The following ACOT11 variants were observed in gnomAD, a reference collection of about 807,000 sequenced individuals.
The protein encoded by ACOT11 is acyl-coenzyme A thioesterase 11.
ACOT11 carries 69 observed loss-of-function variants against 77.5 expected under a neutral mutation model. The observed-to-expected ratio is 0.89, with a 90% CI of 0.73 to 1.09. ACOT11 has a LOEUF of 1.09. Among genes scored for constraint, ACOT11 ranks in the 50% least tolerant of loss-of-function variants. ACOT11 has a pLI of 0.00. For synonymous variants in ACOT11, 279 were observed against 313.0 expected (o/e 0.89, Z 1.15); for missense variants, 766 against 813.7 (o/e 0.94, Z 0.71).
intron 1 of ACOT11, among the ~76,000 whole-genome samples, chr1:54,567,250 T>A (rs1041708092): frequency 3.3e-5 from 5 of 151,210 alleles, no homozygotes; most frequent in African/African-American, 1.2e-4. Context: ...GCTTGGATCC[T>A]CCTTTCTTAT....
chr1:54,564,394 G>C (rs571502005), intron 1 of ACOT11, among the ~76,000 whole-genome samples: 4 of 152,336 alleles, frequency 2.6e-5, no homozygotes, highest in South Asian at 4.1e-4. Flanking sequence ...GGTTGCCTGC[G>C]GGGGGTGGGG....
Position 54,609,997 on chromosome 1 carries a change from A to ATC in ACOT11, c.*885_*886insTC. ...AGGATTTGGGTTATCATAAGGTGTT[A>ATC]AGAGTCCCTTGTTAAAGGGGCAGTG... On this transcript the variant is annotated 3_prime_UTR_variant, in exon 16 of 16. Coordinates refer to ENST00000343744, the MANE Select transcript of ACOT11 (RefSeq NM_147161.4). The ATC allele has an allele frequency of 6.5e-7, 1 of 1,544,632 alleles. No homozygotes were observed. Among genetic ancestry groups the ATC allele is most frequent in the Non-Finnish European group, 8.7e-7 (1 of 1,150,338 alleles).
chr1:54,591,694 G>A (rs1456664342), intron 3 of ACOT11, among the ~76,000 whole-genome samples: 1 of 152,200 alleles, frequency 6.6e-6, no homozygotes, highest in African/African-American at 2.4e-5. Context: ...AGGCTAGGTG[G>A]CTCCCCTGGG....
chr1:54,597,457 C>G (rs2304304), intron 7 of ACOT11, 42 bp downstream of exon 7: 66,145 of 1,554,006 alleles, frequency 0.043, 2,397 homozygotes, highest in Admixed American at 0.16. Flanking sequence ...CTCCTTTCTC[C>G]TCCTCCTCCC....
chr1:54,601,814 G>C (rs544286400), intron 9 of ACOT11, among the ~76,000 whole-genome samples: 1 of 152,366 alleles, frequency 6.6e-6, no homozygotes, highest in East Asian at 1.9e-4. Context: ...TCACAGGACT[G>C]TGGGGCGATA....
At chr1:54,623,241 G>C (rs1644248368) in intron 15 of ACOT11, 9 of 1,422,048 alleles carry the variant, frequency 6.3e-6, no homozygotes, top group Non-Finnish European at 8.9e-6. Flanking sequence ...GAGCGATGAG[G>C]GAAGCCACTC....
intron 1 of ACOT11, among the ~76,000 whole-genome samples, chr1:54,562,088 G>A (rs1484797815): frequency 1.6e-5 from 1 of 61,546 alleles, no homozygotes; most frequent in Non-Finnish European, 3.2e-5. Context: ...GCCGGGCGGG[G>A]GGCTGACCCC....
At chr1:54,556,037 T>A (rs1184328933) in intron 1 of ACOT11, among the ~76,000 whole-genome samples, 1 of 152,186 alleles carries the variant, frequency 6.6e-6, no homozygotes, top group African/African-American at 2.4e-5. Flanking sequence ...TGTGAGCCAC[T>A]GCACCTGGCC....
downstream of ACOT11, chr1:54,611,836 G>T (rs1329407398): frequency 2.7e-6 from 4 of 1,480,760 alleles, no homozygotes; most frequent in African/African-American, 1.4e-5. Context: ...TCAGCTGGGC[G>T]CAGGGTAGAG....
At chr1:54,614,956 A>G (rs1702015), downstream of ACOT11, 1,034,539 of 1,238,288 alleles carry the variant, frequency 0.84, 428,955 homozygotes, top group Non-Finnish European at 0.87. Context: ...GTGTGTGTGC[A>G]TGTGCGTGCA....
At chr1:54,558,523 G>T (rs181182485) in intron 1 of ACOT11, among the ~76,000 whole-genome samples, 2 of 152,312 alleles carry the variant, frequency 1.3e-5, no homozygotes, top group Admixed American at 6.5e-5. Flanking sequence ...GGTCAGGGGA[G>T]AGCTCTCTGA....
At chr1:54,616,668 C>T (rs565468829) in intron 15 of ACOT11, among the ~76,000 whole-genome samples, 10 of 152,242 alleles carry the variant, frequency 6.6e-5, no homozygotes, top group African/African-American at 1.9e-4. Flanking sequence ...CCACCGTGCC[C>T]GGCCCTATGC....
At chr1:54,556,034 C>T (rs1312154416) in intron 1 of ACOT11, among the ~76,000 whole-genome samples, 2 of 152,186 alleles carry the variant, frequency 1.3e-5, no homozygotes, top group Non-Finnish European at 2.9e-5. Context: ...AGGTGTGAGC[C>T]ACTGCACCTG....
chr1:54,560,836 G>C (rs1181731652), intron 1 of ACOT11, among the ~76,000 whole-genome samples: 1 of 151,864 alleles, frequency 6.6e-6, no homozygotes, highest in African/African-American at 2.4e-5. Flanking sequence ...ATTCCCCTTC[G>C]TCAGCCTCCT....
chr1:54,573,123 G>T (rs1366294967), intron 1 of ACOT11: 6 of 985,338 alleles, frequency 6.1e-6, no homozygotes, highest in Middle Eastern at 5.2e-4. Context: ...CTGGCTCCAG[G>T]TATGGGTCCT....
Position 54,628,497 on chromosome 1 carries a change from G to A in ACOT11, c.1630-2237G>A, listed in dbSNP as rs1224278289. On this transcript the variant is annotated intron_variant, in intron 15 of 16. Coordinates refer to the ACOT11 transcript ENST00000371316. ...CTACAAAATAAAAAAATAAATTAGC[G>A]AGACATGGTGGTGCATGCCTATAGT... 4.6e-5 allele frequency: 6 copies of A among 130,012 alleles called. 1 individual carries two copies. The highest frequency in any genetic ancestry group is 1.0e-4 in the Non-Finnish European group (6 of 57,822). The allele number at this position is 130,012 out of a possible 1,614,324, so 8.1% of individuals were successfully genotyped here.
At chr1:54,554,234 A>G (rs937691936) in intron 1 of ACOT11, among the ~76,000 whole-genome samples, 3 of 147,368 alleles carry the variant, frequency 2.0e-5, no homozygotes, top group African/African-American at 7.4e-5. Flanking sequence ...AGGTTCATCC[A>G]TGTAGTTGCA....
Position 54,609,867 on chromosome 1 carries a change from T to C in ACOT11, c.*755T>C. 2 of 1,613,840 alleles carry C rather than the reference T, an allele frequency of 1.2e-6. No homozygotes were observed. Among genetic ancestry groups the C allele is most frequent in the South Asian group, 2.2e-5 (2 of 91,084 alleles). Reference sequence around the variant, plus strand: ...AGCGTCAGGATGTTGCCACTTGGAGTATGAACAATGGGCACGGGGTTTTCA... The same window carrying C: ...AGCGTCAGGATGTTGCCACTTGGAGCATGAACAATGGGCACGGGGTTTTCA... On this transcript the variant is annotated 3_prime_UTR_variant, in exon 16 of 16. Coordinates refer to ENST00000343744, the MANE Select transcript of ACOT11 (RefSeq NM_147161.4).
In ACOT11 at chr1:54,607,251, G is replaced by A. The variant is rs1644037186; in HGVS notation, c.1488G>A (p.Lys496=). ...TCGTGATCCTGGCCTCGAGGCGGAA[G>A]CCTTGTGACAATGGGTGTGTGCCTA... ...QDFVILASRR[K]PCDNGDPYVI... Residue 496 remains lysine, a synonymous_variant, in exon 14 of 16, where the codon AAG becomes AAA. Coordinates refer to ENST00000343744, the MANE Select transcript of ACOT11 (RefSeq NM_147161.4). The surrounding 1 kb of genome is among the most constrained non-coding windows in gnomAD (Gnocchi z 4.5). 3 of 1,614,148 alleles carry A rather than the reference G, an allele frequency of 1.9e-6. No individual in the cohort carries two copies. The highest frequency in any genetic ancestry group is 1.1e-5 in the South Asian group (1 of 91,084).
Sources: gnomAD v4.1 joint callset for allele counts (sites outside exome capture counted in the v4.1 genomes callset) on GRCh38, gnomAD v4.1.1 for gene constraint, Gnocchi (gnomAD v3.1) non-coding constraint, MANE v1.5 for transcripts, NCBI Gene and HGNC (gene_info 2026-07-23, HGNC 2026-07-21) for gene names.